Variants in UBE2R2 observed in about 807,000 individuals in gnomAD.
UBE2R2 encodes ubiquitin conjugating enzyme E2 R2.
Under a neutral mutation model 27.8 loss-of-function variants are expected in UBE2R2, and 1 was observed. The ratio of observed to expected loss-of-function variants is 0.04; its 90% confidence interval spans 0.01 to 0.17. UBE2R2 has a LOEUF of 0.17. Among genes scored for constraint, UBE2R2 ranks in the 10% least tolerant of loss-of-function variants. The pLI, the probability that UBE2R2 is intolerant of heterozygous loss-of-function variation, is 1.00. For missense variants in UBE2R2, 100 were observed against 291.0 expected, an observed-to-expected ratio of 0.34 and a Z score of 4.78; for synonymous variants, 106 against 113.3, an observed-to-expected ratio of 0.94 and a Z score of 0.41.
At chr9:33,886,018 A>T (rs989851029) in intron 1 of UBE2R2, among the ~76,000 whole-genome samples, 1 of 152,218 alleles carries the variant, frequency 6.6e-6, no homozygotes. Context: ...ACTGTCAGTC[A>T]TCCATGTAAA....
chr9:33,840,105 A>G (rs1460320129), intron 1 of UBE2R2, among the ~76,000 whole-genome samples: 1 of 152,184 alleles, frequency 6.6e-6, no homozygotes, highest in Non-Finnish European at 1.5e-5. Flanking sequence ...TAATATTTGT[A>G]TGTAAAATTA....
At chr9:33,875,425 T>A (rs1040073703) in intron 1 of UBE2R2, among the ~76,000 whole-genome samples, 2 of 152,232 alleles carry the variant, frequency 1.3e-5, no homozygotes, top group African/African-American at 4.8e-5. Context: ...TGATAATGAT[T>A]TAACCTTTGA....
At chr9:33,858,846 A>G (rs1222551564) in intron 1 of UBE2R2, among the ~76,000 whole-genome samples, 1 of 147,708 alleles carries the variant, frequency 6.8e-6, no homozygotes, top group Non-Finnish European at 1.5e-5. Context: ...TTTGTTTGAG[A>G]TGGAGCCTCA....
rs1822217378 is a variant in UBE2R2, at chr9:33,900,368, A to G, written c.362+97A>G. The G allele has an allele frequency of 3.3e-5, 28 of 853,920 alleles. No individual in the cohort carries two copies. The South Asian group carries it at 4.3e-4, about 13-fold the overall frequency. The allele number at this position is 853,920 out of a possible 1,614,324, so 52.9% of individuals were successfully genotyped here. A position where few individuals can be genotyped will look rare whatever the true frequency, so the allele number is the denominator to read the frequency against. On this transcript the variant is annotated intron_variant, in intron 3 of 4. Coordinates refer to ENST00000263228, the MANE Select transcript of UBE2R2 (RefSeq NM_017811.4). Reference sequence around the variant, plus strand: ...TGTATTGTCTTTTAACATGTAAAAAATCATCTTTCTTATATTCAGTTTCTT... The same window carrying G: ...TGTATTGTCTTTTAACATGTAAAAAGTCATCTTTCTTATATTCAGTTTCTT...
At chr9:33,864,811 G>A (rs1337407812) in intron 1 of UBE2R2, among the ~76,000 whole-genome samples, 2 of 148,548 alleles carry the variant, frequency 1.3e-5, no homozygotes, top group African/African-American at 2.5e-5. Context: ...TGCAACCTCC[G>A]CCTCCTGGGT....
intron 1 of UBE2R2, among the ~76,000 whole-genome samples, chr9:33,845,278 GCT>G (rs1198146459): frequency 6.8e-6 from 1 of 146,012 alleles, no homozygotes; most frequent in African/African-American, 2.5e-5. Context: ...ACGGAGTCTT[GCT>G]CTGTCACCCA....
At chr9:33,892,678 A>G (rs1034000852) in intron 2 of UBE2R2, among the ~76,000 whole-genome samples, 4 of 152,150 alleles carry the variant, frequency 2.6e-5, no homozygotes, top group African/African-American at 4.8e-5. Context: ...ATATTTATGT[A>G]ATTCTTGGAT....
intron 1 of UBE2R2, among the ~76,000 whole-genome samples, chr9:33,866,252 T>C (rs1821359807): frequency 1.3e-5 from 2 of 152,062 alleles, no homozygotes; most frequent in South Asian, 4.1e-4. Flanking sequence ...CTTTTTTTTT[T>C]TTTTGAGACA....
intron 1 of UBE2R2, among the ~76,000 whole-genome samples, chr9:33,852,263 A>G (rs1820984321): frequency 6.6e-6 from 1 of 152,146 alleles, no homozygotes; most frequent in African/African-American, 2.4e-5. Flanking sequence ...GTGAGCTATG[A>G]TTGCACCACT....
At chr9:33,876,239 G>A (rs1339496946) in intron 1 of UBE2R2, among the ~76,000 whole-genome samples, 2 of 152,078 alleles carry the variant, frequency 1.3e-5, no homozygotes, top group Admixed American at 6.6e-5. Flanking sequence ...GCATGCGCCT[G>A]TAGCTACTCG....
At chr9:33,876,238 TG>T (rs1469865425) in intron 1 of UBE2R2, among the ~76,000 whole-genome samples, 1 of 152,024 alleles carries the variant, frequency 6.6e-6, no homozygotes, top group Non-Finnish European at 1.5e-5. Flanking sequence ...GGCATGCGCC[TG>T]TAGCTACTCG....
chr9:33,907,163 A>T (rs1335792496), intron 3 of UBE2R2, among the ~76,000 whole-genome samples: 4 of 152,164 alleles, frequency 2.6e-5, no homozygotes, highest in African/African-American at 9.7e-5. Context: ...TTACAAACTT[A>T]TTTTTTATTC....
chr9:33,902,866 A>G (rs773126202), intron 3 of UBE2R2, among the ~76,000 whole-genome samples: 16 of 152,238 alleles, frequency 1.1e-4, no homozygotes, highest in Non-Finnish European at 2.2e-4. Flanking sequence ...TTGGGAGGCC[A>G]AGGTGGGCAG....
intron 2 of UBE2R2, among the ~76,000 whole-genome samples, chr9:33,887,453 A>G (rs1486889649): frequency 6.6e-6 from 1 of 152,204 alleles, no homozygotes; most frequent in Non-Finnish European, 1.5e-5. Flanking sequence ...AATAAATTCA[A>G]GGTGAGGTTC....
chr9:33,853,214 C>T (rs1167358948), intron 1 of UBE2R2, among the ~76,000 whole-genome samples: 9 of 147,824 alleles, frequency 6.1e-5, no homozygotes, highest in East Asian at 2.0e-4. Context: ...TATTCTCTCT[C>T]CCTCTGTCTC....
chr9:33,888,083 T>C (rs987389538), intron 2 of UBE2R2, among the ~76,000 whole-genome samples: 1 of 152,240 alleles, frequency 6.6e-6, no homozygotes, highest in Non-Finnish European at 1.5e-5. Flanking sequence ...AAAGCAGACA[T>C]TGTATGATTT....
rs1821101256 is a variant in UBE2R2, at chr9:33,856,387, CCT to C, written c.178-30487_178-30486del. Among the ~76,000 whole-genome samples, 3 of 152,012 alleles carry C rather than the reference CCT, an allele frequency of 2.0e-5. No individual in the cohort carries two copies. The South Asian group carries it at 6.2e-4, about 32-fold the overall frequency. The stretch of plus-strand genomic sequence containing the variant: ...GCTTTACCTATTCCCTCCCACATTT[CCT>C]CTCTCTAGTCTTGTTTGTTTTCTGG... On this transcript the variant is annotated intron_variant, in intron 1 of 4. Transcript: ENST00000263228.
chr9:33,915,350 T>TA, intron 4 of UBE2R2, among the ~76,000 whole-genome samples: 2 of 152,300 alleles, frequency 1.3e-5, no homozygotes, highest in South Asian at 2.1e-4. Flanking sequence ...GCAGTCTACC[T>TA]CTGCATATGG....
intron 2 of UBE2R2, among the ~76,000 whole-genome samples, chr9:33,889,208 G>A (rs187643542): frequency 1.2e-4 from 19 of 152,182 alleles, no homozygotes; most frequent in Non-Finnish European, 2.1e-4. Context: ...GCTTAGACTG[G>A]ATAATATATT....
Sources: gnomAD v4.1 joint callset for allele counts (sites outside exome capture counted in the v4.1 genomes callset) on GRCh38, gnomAD v4.1.1 for gene constraint, MANE v1.5 for transcripts, NCBI Gene and HGNC (gene_info 2026-07-23, HGNC 2026-07-21) for gene names.